NIBAN1: variants seen among roughly 807,000 people sequenced by gnomAD.
NIBAN1 encodes the protein niban apoptosis regulator 1, also known as protein Niban 1.
A neutral mutation model predicts 75.1 loss-of-function variants in NIBAN1; 81 were observed. The observed-to-expected ratio is 1.08, with a 90% CI of 0.90 to 1.30. The LOEUF (loss-of-function observed/expected upper bound fraction) is 1.30, where lower values mean the gene tolerates loss of function less well. Among genes scored for constraint, NIBAN1 ranks in the 50% most tolerant of loss-of-function variants. The pLI is 0.00. For missense variants in NIBAN1, 1,133 were observed against 1,128.1 expected, an observed-to-expected ratio of 1.00 and a Z score of -0.06; for synonymous variants, 436 against 424.8, an observed-to-expected ratio of 1.03 and a Z score of -0.32.
intron 9 of NIBAN1, among the ~76,000 whole-genome samples, chr1:184,812,523 A>G (rs1654412870): frequency 6.6e-6 from 1 of 152,152 alleles, no homozygotes; most frequent in South Asian, 2.1e-4. Flanking sequence ...TATATATAAA[A>G]ACAGTCGAAT....
chr1:184,884,315 C>A (rs1656454477), intron 5 of NIBAN1, among the ~76,000 whole-genome samples: 1 of 151,230 alleles, frequency 6.6e-6, no homozygotes, highest in Non-Finnish European at 1.5e-5. Context: ...CCTCTGCCTC[C>A]CGGGTTCAAG....
intron 5 of NIBAN1, among the ~76,000 whole-genome samples, chr1:184,834,566 G>A (rs1009874241): frequency 5.3e-5 from 8 of 152,140 alleles, no homozygotes; most frequent in African/African-American, 1.9e-4. Context: ...GTATGAGGTG[G>A]TATCTCACTG....
At chr1:184,837,261 G>T (rs534255584) in intron 5 of NIBAN1, among the ~76,000 whole-genome samples, 1 of 152,156 alleles carries the variant, frequency 6.6e-6, no homozygotes, top group Non-Finnish European at 1.5e-5. Context: ...TGGCTTTTAA[G>T]CAGTCTCCTG....
At chr1:184,868,006 G>T (rs1029808211) in intron 5 of NIBAN1, 20 of 985,334 alleles carry the variant, frequency 2.0e-5, no homozygotes, top group Non-Finnish European at 2.3e-5. Flanking sequence ...AGAAGTCTCA[G>T]TTCCTTTCTT....
intron 3 of NIBAN1, 33 bp downstream of exon 3, chr1:184,894,042 G>C: frequency 6.4e-7 from 1 of 1,574,752 alleles, no homozygotes; most frequent in Non-Finnish European, 8.6e-7. Context: ...TAAGAACAGT[G>C]TAAGAATCAG....
intron 1 of NIBAN1, among the ~76,000 whole-genome samples, chr1:184,957,140 G>A (rs760476269): frequency 6.6e-6 from 1 of 152,218 alleles, no homozygotes; most frequent in Non-Finnish European, 1.5e-5. Context: ...TCACAGTTAG[G>A]AAAAGATGCC....
At position 184,817,485 on chromosome 1, in the gene NIBAN1, G is replaced by A. The variant is rs370582661; in HGVS notation, c.1173+1153C>T. Among the ~76,000 whole-genome samples, 9 of 151,618 alleles carry A rather than the reference G, an allele frequency of 5.9e-5. No homozygotes were observed. The South Asian group carries it at 6.2e-4, about 10-fold the overall frequency. On this transcript the variant is annotated intron_variant, in intron 9 of 13. Coordinates refer to ENST00000367511, the MANE Select transcript of NIBAN1 (RefSeq NM_052966.4). Reference sequence around the variant, plus strand: ...AATGGTTGAACAAGTTTACACTCCCGCCGACAGTGTAAAAGCATTCCTATT... The same window carrying A: ...AATGGTTGAACAAGTTTACACTCCCACCGACAGTGTAAAAGCATTCCTATT...
chr1:184,937,461 G>C (rs144418111), intron 1 of NIBAN1, among the ~76,000 whole-genome samples: 3 of 152,160 alleles, frequency 2.0e-5, no homozygotes, highest in South Asian at 2.1e-4. Flanking sequence ...CCACCACAAA[G>C]AAAAGAATAT....
intron 1 of NIBAN1, among the ~76,000 whole-genome samples, chr1:184,963,330 A>G (rs1658699381): frequency 3.3e-5 from 5 of 152,130 alleles, no homozygotes; most frequent in Admixed American, 3.3e-4. Flanking sequence ...GGTTAACATC[A>G]CACTTAATAG....
intron 2 of NIBAN1, among the ~76,000 whole-genome samples, chr1:184,894,479 T>C (rs532210686): frequency 6.6e-6 from 1 of 152,314 alleles, no homozygotes; most frequent in Non-Finnish European, 1.5e-5. Flanking sequence ...ATTATAGTAA[T>C]AAGGTTATTA....
At chr1:184,973,042 T>C (rs537657523) in intron 1 of NIBAN1, among the ~76,000 whole-genome samples, 123 of 152,372 alleles carry the variant, frequency 8.1e-4, no homozygotes, top group African/African-American at 2.8e-3. Context: ...GTAGCCACAT[T>C]TTTAAGACTA....
Position 184,794,800 on chromosome 1 carries a change from A to C in NIBAN1, c.*177T>G. 2.6e-6 allele frequency: 2 copies of C among 757,272 alleles called. No homozygotes were observed. Among genetic ancestry groups the C allele is most frequent in the Non-Finnish European group, 4.4e-6 (2 of 456,066 alleles). The allele number at this position is 757,272 out of a possible 1,614,324, so 46.9% of individuals were successfully genotyped here. On this transcript the variant is annotated 3_prime_UTR_variant, in exon 14 of 14. Coordinates refer to ENST00000367511, the MANE Select transcript of NIBAN1 (RefSeq NM_052966.4). Reference sequence around the variant, plus strand: ...GCAAAAATTCATCGTAGAACAATTCATGTCCACAAAGGTTTGCCTCAGTTG... The same window carrying C: ...GCAAAAATTCATCGTAGAACAATTCCTGTCCACAAAGGTTTGCCTCAGTTG...
chr1:184,910,909 C>T (rs1046629918), intron 1 of NIBAN1, among the ~76,000 whole-genome samples: 50 of 152,174 alleles, frequency 3.3e-4, no homozygotes, highest in African/African-American at 1.0e-3. Context: ...AGGCTTTGGA[C>T]ATGCACTGGA....
In NIBAN1 at chr1:184,879,964, G is replaced by C. The variant is rs529263511; in HGVS notation, c.601+4669C>G. Among the ~76,000 whole-genome samples, 261 of 152,238 alleles carry C rather than the reference G, an allele frequency of 1.7e-3. 2 individuals carry two copies. Among genetic ancestry groups the C allele is most frequent in the African/African-American group, 6.0e-3 (249 of 41,540 alleles). On this transcript the variant is annotated intron_variant, in intron 5 of 13. Transcript: ENST00000367511. ...ACCAAAATTCTATGGGCTTTTCTTT[G>C]ATACTACCGTTTTCAACCCGTGTGC...
At chr1:184,925,253 G>A (rs950122532) in intron 1 of NIBAN1, among the ~76,000 whole-genome samples, 2 of 151,596 alleles carry the variant, frequency 1.3e-5, no homozygotes, top group Non-Finnish European at 2.9e-5. Flanking sequence ...GTTTTCATTT[G>A]TATGGAACAT....
rs1213832708 is a variant in NIBAN1, at chr1:184,798,175, C to T, written c.1570G>A (p.Glu524Lys). The stretch of plus-strand genomic sequence containing the variant: ...GTATGATCTGCAAAGATGAACTGCT[C>T]GTATTTCTGAAGCTCCTGGAGAGCA... ...STCKPELQKY[E>K]QFIFADHTNM... The change falls in exon 13 of 14, where the codon GAG (glutamate) becomes AAG (lysine). Residue 524 changes from glutamate (E) to lysine (K), a missense_variant. Transcript: ENST00000367511. The T allele has an allele frequency of 6.2e-7, 1 of 1,602,210 alleles. No homozygotes were observed. The highest frequency in any genetic ancestry group is 8.5e-7 in the Non-Finnish European group (1 of 1,171,232).
intron 6 of NIBAN1, among the ~76,000 whole-genome samples, chr1:184,827,821 C>T (rs1213956352): frequency 6.6e-6 from 1 of 151,960 alleles, no homozygotes; most frequent in Admixed American, 6.6e-5. Context: ...CACCAGGCTG[C>T]TGGTCCAGGC....
chr1:184,914,004 TA>T (rs746822611), intron 1 of NIBAN1, among the ~76,000 whole-genome samples: 1 of 152,200 alleles, frequency 6.6e-6, no homozygotes, highest in Non-Finnish European at 1.5e-5. Context: ...GTTTCAGTCC[TA>T]CTACCCAAAA....
At chr1:184,924,460 C>A (rs147232691) in intron 1 of NIBAN1, among the ~76,000 whole-genome samples, 7 of 152,130 alleles carry the variant, frequency 4.6e-5, no homozygotes, top group Admixed American at 4.6e-4. Context: ...ATTTTGTTGA[C>A]GATTTTTGCA....
Sources: allele counts gnomAD v4.1 joint callset (sites outside exome capture counted in the v4.1 genomes callset), GRCh38; gene constraint gnomAD v4.1.1; transcripts MANE v1.5; gene names NCBI Gene and HGNC (gene_info 2026-07-23, HGNC 2026-07-21).